ACOT7: variants seen among roughly 807,000 people sequenced by gnomAD.
ACOT7 encodes acyl-CoA thioesterase 7, also known as cytosolic acyl coenzyme A thioester hydrolase.
A neutral mutation model predicts 40.2 loss-of-function variants in ACOT7; 12 were observed. The observed-to-expected ratio is 0.30, with a 90% CI of 0.19 to 0.48. ACOT7 has a LOEUF of 0.48. ACOT7 is among the 20% of genes least tolerant of loss of function. The pLI is 0.99. For synonymous variants in ACOT7, 228 were observed against 219.5 expected (o/e 1.04, Z -0.34); for missense variants, 395 against 530.8 (o/e 0.74, Z 2.51).
chr1:6,334,861 A>G (rs1332704489), intron 3 of ACOT7, among the ~76,000 whole-genome samples: 2 of 152,218 alleles, frequency 1.3e-5, no homozygotes, highest in Non-Finnish European at 2.9e-5. Context: ...TGTCCCAGTC[A>G]TTTCAGAGAA....
intron 1 of ACOT7, among the ~76,000 whole-genome samples, chr1:6,372,553 G>GT (rs1642150602): frequency 2.2e-5 from 3 of 134,080 alleles, no homozygotes; most frequent in African/African-American, 6.4e-5. Flanking sequence ...CTAACTTTTG[G>GT]CTTTTTTTTT....
chr1:6,374,924 T>C (rs1372293156), intron 1 of ACOT7, among the ~76,000 whole-genome samples: 1 of 152,200 alleles, frequency 6.6e-6, no homozygotes, highest in African/African-American at 2.4e-5. Flanking sequence ...ATCAGTTACA[T>C]GGCTGAAGTT....
At chr1:6,303,947 G>A (rs1468641853) in intron 6 of ACOT7, among the ~76,000 whole-genome samples, 1 of 152,190 alleles carries the variant, frequency 6.6e-6, no homozygotes, top group Non-Finnish European at 1.5e-5. Context: ...CCTGATGTTT[G>A]AGTATCCATG....
intron 6 of ACOT7, among the ~76,000 whole-genome samples, chr1:6,316,407 G>A (rs1013209314): frequency 1.3e-5 from 2 of 152,190 alleles, no homozygotes; most frequent in Non-Finnish European, 2.9e-5. Flanking sequence ...AGCTTCCCTT[G>A]GCAAGACCAT....
intron 4 of ACOT7, among the ~76,000 whole-genome samples, chr1:6,331,225 A>G (rs551284833): frequency 6.6e-6 from 1 of 152,322 alleles, no homozygotes; most frequent in Admixed American, 6.5e-5. Context: ...CTCAAAATGT[A>G]TATCCACCTG....
chr1:6,318,322 C>A (rs1416417882), intron 6 of ACOT7, among the ~76,000 whole-genome samples, 170 bp downstream of exon 6: 1 of 152,248 alleles, frequency 6.6e-6, no homozygotes, highest in Non-Finnish European at 1.5e-5. Flanking sequence ...TCCCAAAGTG[C>A]TGGGATTACA....
intron 2 of ACOT7, among the ~76,000 whole-genome samples, chr1:6,346,702 C>A (rs1206889598): frequency 6.6e-6 from 1 of 152,208 alleles, no homozygotes; most frequent in East Asian, 1.9e-4. Context: ...CAGGGACCAG[C>A]AGGGTGACCT....
At chr1:6,266,977 C>A (rs1369649348) in intron 8 of ACOT7, among the ~76,000 whole-genome samples, 2 of 152,212 alleles carry the variant, frequency 1.3e-5, no homozygotes, top group Non-Finnish European at 2.9e-5. Flanking sequence ...CAGGCTGGAT[C>A]GCACTCAGGC....
rs1187035204 is a variant in ACOT7, at chr1:6,389,516, C to T, written c.143+3741G>A. On this transcript the variant is annotated intron_variant, in intron 1 of 8. Transcript: ENST00000361521. ...TATTGCACTCCCCAAAAGATAGCCA[C>T]CAGCCACAGGTGGCTACCCACCTGA... Among the ~76,000 whole-genome samples, 6 of 152,094 alleles carry T rather than the reference C, an allele frequency of 3.9e-5. No homozygotes were observed. The South Asian group carries it at 8.3e-4, about 21-fold the overall frequency.
intron 1 of ACOT7, among the ~76,000 whole-genome samples, chr1:6,375,442 C>T (rs1440125933): frequency 6.6e-6 from 1 of 151,554 alleles, no homozygotes; most frequent in Non-Finnish European, 1.5e-5. Context: ...TAGACGCGGG[C>T]GGATCACTTG....
rs984584611 is a variant in ACOT7, at chr1:6,282,776, C to T, written c.830-1490G>A. On this transcript the variant is annotated intron_variant, in intron 7 of 8. Coordinates refer to ENST00000361521, the MANE Select transcript of ACOT7 (RefSeq NM_007274.4). This position sits in a 1 kb window ranked among gnomAD's most constrained non-coding sequence, Gnocchi z 4.5. ...GAGGAGGAAGGAGCTGTGTGGTCAG[C>T]GCCAGCAGGCATTACGTGAGCTGTA... is the stretch of plus-strand genomic sequence containing the variant. 5 of 1,304,258 alleles carry T rather than the reference C, an allele frequency of 3.8e-6. No homozygotes were observed. The highest frequency in any genetic ancestry group is 5.1e-6 in the Non-Finnish European group (5 of 988,972). The allele number at this position is 1,304,258 out of a possible 1,614,324, so 80.8% of individuals were successfully genotyped here.
At chr1:6,344,377 G>A (rs952664344) in intron 2 of ACOT7, among the ~76,000 whole-genome samples, 4 of 152,186 alleles carry the variant, frequency 2.6e-5, no homozygotes, top group Non-Finnish European at 4.4e-5. Context: ...ACAGTGCCAC[G>A]GGGACACCTG....
rs142719355 is a variant in ACOT7 at position 6,338,755 on chromosome 1, G to A, written c.418+678C>T. 4.5e-3 allele frequency among the ~76,000 whole-genome samples: 690 copies of A among 152,214 alleles called. 8 individuals are homozygous for A. The highest frequency in any genetic ancestry group is 0.016 in the African/African-American group (668 of 41,530). ...CTCTGCATGGGAGGACTGGTGACCT[G>A]GGAGGTGGCAGGGAGAGGACCAGGG... is the stretch of plus-strand genomic sequence containing the variant. On this transcript the variant is annotated intron_variant, in intron 3 of 8. Coordinates refer to ENST00000361521, the MANE Select transcript of ACOT7 (RefSeq NM_007274.4). This position sits in a 1 kb window ranked among gnomAD's most constrained non-coding sequence, Gnocchi z 4.4.
chr1:6,326,790 G>A (rs1255382695), intron 5 of ACOT7, among the ~76,000 whole-genome samples: 1 of 152,038 alleles, frequency 6.6e-6, no homozygotes, highest in Non-Finnish European at 1.5e-5. Context: ...GCCGGGCATG[G>A]TGGCACATGC....
chr1:6,305,352 A>T (rs371098025), intron 6 of ACOT7, among the ~76,000 whole-genome samples: 46 of 82,960 alleles, frequency 5.5e-4, no homozygotes, highest in East Asian at 1.2e-3. Context: ...ACCTCCCGGA[A>T]GGGGCGGCTG....
At chr1:6,345,543 T>C (rs1641396063) in intron 2 of ACOT7, among the ~76,000 whole-genome samples, 1 of 151,996 alleles carries the variant, frequency 6.6e-6, no homozygotes, top group African/African-American at 2.4e-5. Flanking sequence ...ACTCGGTGCT[T>C]AGGAAACGCC....
chr1:6,280,674 G>A (rs751967509), intron 8 of ACOT7, among the ~76,000 whole-genome samples: 2 of 152,170 alleles, frequency 1.3e-5, no homozygotes, highest in African/African-American at 2.4e-5. Context: ...TTCCCAGCAG[G>A]CCCTTCAGCA....
chr1:6,267,967 T>C (rs1249914777), intron 8 of ACOT7, among the ~76,000 whole-genome samples: 1 of 152,150 alleles, frequency 6.6e-6, no homozygotes, highest in African/African-American at 2.4e-5. Context: ...CAACCAGGCA[T>C]TAAAAACAAC....
At chr1:6,368,277 C>T (rs1642058059) in intron 1 of ACOT7, among the ~76,000 whole-genome samples, 1 of 152,172 alleles carries the variant, frequency 6.6e-6, no homozygotes, top group African/African-American at 2.4e-5. Flanking sequence ...CTATCCTCAG[C>T]CCCCACTTGG....
Sources: allele counts gnomAD v4.1 joint callset (sites outside exome capture counted in the v4.1 genomes callset), GRCh38; gene constraint gnomAD v4.1.1; non-coding constraint Gnocchi (gnomAD v3.1); transcripts MANE v1.5; gene names NCBI Gene and HGNC (gene_info 2026-07-23, HGNC 2026-07-21).